ZBTB20: variants seen among roughly 807,000 people sequenced by gnomAD.
The protein encoded by ZBTB20 is zinc finger and BTB domain-containing protein 20.
In ZBTB20, 9 loss-of-function variants were observed where a neutral mutation model predicts 56.9. The observed-to-expected ratio is 0.16, with a 90% CI of 0.10 to 0.28. The LOEUF is 0.28. Among genes scored for constraint, ZBTB20 ranks in the 10% least tolerant of loss-of-function variants. The probability of loss-of-function intolerance (pLI) is 1.00; values close to 1 mark genes in which losing one functional copy is unlikely to be tolerated. For synonymous variants in ZBTB20, 417 were observed against 420.7 expected (o/e 0.99, Z 0.11); for missense variants, 655 against 1,003.0 (o/e 0.65, Z 4.69).
At chr3:115,029,702 A>G (rs1363030671) in intron 2 of ZBTB20, among the ~76,000 whole-genome samples, 1 of 150,786 alleles carries the variant, frequency 6.6e-6, no homozygotes, top group Admixed American at 6.6e-5. Context: ...GAACAGAGTA[A>G]ATTTAGAGCC....
chr3:114,418,783 T>C (rs2088839237), intron 7 of ZBTB20, among the ~76,000 whole-genome samples: 1 of 152,102 alleles, frequency 6.6e-6, no homozygotes, highest in Admixed American at 6.6e-5. Context: ...AGCAACACTG[T>C]AATGGGAATT....
chr3:114,827,146 T>G (rs2073574042), intron 4 of ZBTB20, among the ~76,000 whole-genome samples: 1 of 151,744 alleles, frequency 6.6e-6, no homozygotes, highest in Admixed American at 6.6e-5. Context: ...ATGAATAGTA[T>G]TATACTCACA....
intron 1 of ZBTB20, among the ~76,000 whole-genome samples, chr3:115,087,176 G>T (rs1437840209): frequency 6.6e-6 from 1 of 151,684 alleles, no homozygotes; most frequent in African/African-American, 2.4e-5. Context: ...GGAGGAAAAG[G>T]TATCAAAATT....
In ZBTB20 at chr3:114,994,097, T is replaced by A. The variant is rs2078930099; in HGVS notation, c.-506-19681A>T. ...TAAGAAAGAAAATAGAGGCACTGATTAGAAACTTTAGGAATAAAGAGAATG... is the reference window on the plus strand; with the variant it reads ...TAAGAAAGAAAATAGAGGCACTGATAAGAAACTTTAGGAATAAAGAGAATG... On this transcript the variant is annotated intron_variant, in intron 2 of 11. Transcript: ENST00000675478. Among the ~76,000 whole-genome samples the A allele has an allele frequency of 2.0e-5, 3 of 151,812 alleles. No individual in the cohort carries two copies. In the South Asian group the frequency reaches 6.2e-4, roughly 31 times the overall value.
intron 3 of ZBTB20, among the ~76,000 whole-genome samples, chr3:114,966,077 A>T (rs1472588323): frequency 6.6e-6 from 1 of 152,194 alleles, no homozygotes; most frequent in African/African-American, 2.4e-5. Flanking sequence ...ACCTAATCAG[A>T]AAAAGACTTT....
At chr3:114,415,735 T>C (rs1290593157) in intron 7 of ZBTB20, among the ~76,000 whole-genome samples, 1 of 152,104 alleles carries the variant, frequency 6.6e-6, no homozygotes, top group African/African-American at 2.4e-5. Flanking sequence ...AGCACGGGGC[T>C]TGATACTAAT....
At chr3:114,595,525 T>C (rs2056239087) in intron 6 of ZBTB20, among the ~76,000 whole-genome samples, 1 of 152,196 alleles carries the variant, frequency 6.6e-6, no homozygotes, top group Non-Finnish European at 1.5e-5. Flanking sequence ...GAAATCAAGA[T>C]TGAGATCCAT....
chr3:114,751,425 C>T (rs1325866122), intron 5 of ZBTB20, among the ~76,000 whole-genome samples: 1 of 152,056 alleles, frequency 6.6e-6, no homozygotes, highest in East Asian at 1.9e-4. Flanking sequence ...CCTGGATTGA[C>T]GTATGCTTTT....
chr3:115,058,593 G>A (rs991544315), intron 2 of ZBTB20, among the ~76,000 whole-genome samples: 6 of 152,126 alleles, frequency 3.9e-5, no homozygotes, highest in Admixed American at 6.5e-5. Context: ...GCCGGGCAAG[G>A]TGGGGGTTGC....
intron 3 of ZBTB20, among the ~76,000 whole-genome samples, chr3:114,972,557 G>C (rs2077929442): frequency 1.3e-5 from 2 of 151,946 alleles, no homozygotes; most frequent in South Asian, 4.2e-4. Context: ...CATATTATTT[G>C]GTTTTTTGAG....
intron 2 of ZBTB20, among the ~76,000 whole-genome samples, chr3:115,020,350 A>G (rs1012193769): frequency 2.0e-5 from 3 of 151,176 alleles, no homozygotes; most frequent in African/African-American, 7.3e-5. Flanking sequence ...TATTTTCACA[A>G]CAGTTCAAAA....
chr3:114,818,364 A>G (rs898871374), intron 4 of ZBTB20, among the ~76,000 whole-genome samples: 4 of 152,134 alleles, frequency 2.6e-5, no homozygotes, highest in Admixed American at 6.5e-5. Flanking sequence ...TAGTTATGCA[A>G]GAGCAATTTG....
chr3:114,545,445 TACCAG>T (rs1017489961), intron 6 of ZBTB20, among the ~76,000 whole-genome samples: 37 of 152,304 alleles, frequency 2.4e-4, no homozygotes, highest in African/African-American at 8.4e-4. Context: ...CTGGCTTTGG[TACCAG>T]AGACATCAGT....
chr3:114,796,629 G>A (rs1469773696), intron 5 of ZBTB20, among the ~76,000 whole-genome samples: 3 of 151,774 alleles, frequency 2.0e-5, no homozygotes, highest in Non-Finnish European at 4.4e-5. Flanking sequence ...GAGAATAAAT[G>A]AGACTTGGCC....
rs925495299 is a variant in ZBTB20 at position 114,320,352 on chromosome 3, C to T, written c.*18653G>A. 2.6e-5 allele frequency: 4 copies of T among 152,062 alleles called. No individual in the cohort carries two copies. The highest frequency in any genetic ancestry group is 4.1e-4 in the South Asian group (2 of 4,830). The allele number at this position is 152,062 out of a possible 1,614,324, so 9.4% of individuals were successfully genotyped here. ...AATTAAAAGAAGAAATAAACGTTTCCCCCCATCTTTCTAAAGGAAATGACT... is the reference window on the plus strand; with the variant it reads ...AATTAAAAGAAGAAATAAACGTTTCTCCCCATCTTTCTAAAGGAAATGACT... On this transcript the variant is annotated 3_prime_UTR_variant, in exon 12 of 12. Transcript: ENST00000675478.
chr3:114,815,624 C>A, intron 4 of ZBTB20, among the ~76,000 whole-genome samples: 1 of 152,070 alleles, frequency 6.6e-6, no homozygotes, highest in East Asian at 1.9e-4. Flanking sequence ...TATTTAATAG[C>A]CCTGCAATTG....
At chr3:114,891,691 C>T (rs1433507827) in intron 4 of ZBTB20, among the ~76,000 whole-genome samples, 1 of 152,094 alleles carries the variant, frequency 6.6e-6, no homozygotes, top group Non-Finnish European at 1.5e-5. Context: ...TAAATATATA[C>T]CTGCCAAATA....
intron 7 of ZBTB20, among the ~76,000 whole-genome samples, chr3:114,433,926 T>C (rs562878085): frequency 6.6e-6 from 1 of 152,164 alleles, no homozygotes; most frequent in African/African-American, 2.4e-5. Context: ...ATTGGAGGGT[T>C]AGCTAGGCTG....
intron 2 of ZBTB20, among the ~76,000 whole-genome samples, chr3:115,028,282 A>G (rs956303843): frequency 5.3e-5 from 8 of 150,818 alleles, no homozygotes; most frequent in African/African-American, 1.9e-4. Context: ...AGCTAGCAAA[A>G]GCCTAAAACA....
Sources: gnomAD v4.1 joint callset for allele counts (sites outside exome capture counted in the v4.1 genomes callset) on GRCh38, gnomAD v4.1.1 for gene constraint, MANE v1.5 for transcripts, NCBI Gene and HGNC (gene_info 2026-07-23, HGNC 2026-07-21) for gene names.